The following PPFIBP1 variants were observed in gnomAD, a reference collection of about 807,000 sequenced individuals.
PPFIBP1 encodes the protein liprin-beta-1.
Under a neutral mutation model 137.8 loss-of-function variants are expected in PPFIBP1, and 112 were observed. That is an observed-to-expected ratio of 0.81 (90% CI 0.70 to 0.95). PPFIBP1 has a LOEUF of 0.95. Ranked by LOEUF, PPFIBP1 falls within the 40% of genes least tolerant of loss-of-function variation. The probability of loss-of-function intolerance (pLI) is 0.00; values close to 1 mark genes in which losing one functional copy is unlikely to be tolerated. For synonymous variants in PPFIBP1, 378 were observed against 417.3 expected, an observed-to-expected ratio of 0.91 and a Z score of 1.15; for missense variants, 1,083 against 1,196.6, an observed-to-expected ratio of 0.91 and a Z score of 1.40.
chr12:27,576,750 T>G (rs1298574999), intron 1 of PPFIBP1, among the ~76,000 whole-genome samples: 1 of 152,180 alleles, frequency 6.6e-6, no homozygotes, highest in Non-Finnish European at 1.5e-5. Context: ...GTAACATTGA[T>G]TGTTTCAGCT....
intron 25 of PPFIBP1, chr12:27,688,087 A>T: frequency 4.3e-5 from 7 of 161,670 alleles, no homozygotes; most frequent in Non-Finnish European, 7.2e-5. Context: ...ACCCTGTCTT[A>T]AAAAAAAAAA....
chr12:27,637,760 C>T (rs914837349), intron 4 of PPFIBP1, among the ~76,000 whole-genome samples: 23 of 152,238 alleles, frequency 1.5e-4, no homozygotes, highest in South Asian at 2.1e-4. Flanking sequence ...ACACACCTAC[C>T]ACGATAGACT....
At chr12:27,528,068 G>A (rs553325017) in intron 1 of PPFIBP1, among the ~76,000 whole-genome samples, 1 of 152,020 alleles carries the variant, frequency 6.6e-6, no homozygotes, top group Non-Finnish European at 1.5e-5. Context: ...CATGCCTCAG[G>A]GTCCCAGTTA....
chr12:27,605,695 G>A (rs2054457092), intron 2 of PPFIBP1, among the ~76,000 whole-genome samples: 1 of 152,110 alleles, frequency 6.6e-6, no homozygotes, highest in African/African-American at 2.4e-5. Context: ...GCAGGTCTGT[G>A]GGCCACACAA....
chr12:27,594,738 T>C (rs1254503814), intron 2 of PPFIBP1, among the ~76,000 whole-genome samples: 1 of 152,218 alleles, frequency 6.6e-6, no homozygotes, highest in Non-Finnish European at 1.5e-5. Context: ...AAACATGCCA[T>C]GGTCCTACCT....
In PPFIBP1 at chr12:27,592,141, G is replaced by T. The variant is rs193158722; in HGVS notation, c.-36+13902G>T. On this transcript the variant is annotated intron_variant, in intron 2 of 29. Transcript: ENST00000228425. ...TTCCCAGGAGGTTGTGTCCTCACAG[G>T]GGGTGTCCTCACACGGGAAATAGCC... Among the ~76,000 whole-genome samples, 408 of 151,602 alleles carry T rather than the reference G, an allele frequency of 2.7e-3. 3 individuals are homozygous for T. The highest frequency in any genetic ancestry group is 0.01 in the Middle Eastern group (3 of 294).
chr12:27,584,327 C>T (rs1334112183), intron 2 of PPFIBP1: 7 of 152,236 alleles, frequency 4.6e-5, no homozygotes, highest in Non-Finnish European at 7.3e-5. Flanking sequence ...CAAGTACAAA[C>T]GTGTGAAAAA....
intron 1 of PPFIBP1, among the ~76,000 whole-genome samples, chr12:27,546,766 A>AT (rs767425195): frequency 1.3e-5 from 2 of 152,162 alleles, no homozygotes; most frequent in East Asian, 3.8e-4. Context: ...TAATCCCAGC[A>AT]TTTTGGGGAG....
At chr12:27,549,702 C>A (rs1210214437) in intron 1 of PPFIBP1, among the ~76,000 whole-genome samples, 1 of 151,992 alleles carries the variant, frequency 6.6e-6, no homozygotes, top group Non-Finnish European at 1.5e-5. Flanking sequence ...AAAAACATTG[C>A]CGGTTAGGAC....
intron 1 of PPFIBP1, among the ~76,000 whole-genome samples, chr12:27,569,735 T>G (rs2080426231): frequency 6.6e-6 from 1 of 152,124 alleles, no homozygotes; most frequent in South Asian, 2.1e-4. Context: ...CTTTTTTGTA[T>G]TTTTTAGTGG....
At chr12:27,588,113 A>T (rs2052012947) in intron 2 of PPFIBP1, among the ~76,000 whole-genome samples, 1 of 152,340 alleles carries the variant, frequency 6.6e-6, no homozygotes, top group African/African-American at 2.4e-5. Context: ...TTAGATTCAA[A>T]TTAAACATTG....
chr12:27,557,702 T>G (rs1174418650), intron 1 of PPFIBP1, among the ~76,000 whole-genome samples: 1 of 152,194 alleles, frequency 6.6e-6, no homozygotes, highest in African/African-American at 2.4e-5. Flanking sequence ...TCATGGTATT[T>G]TTACCTTTAA....
chr12:27,678,116 C>T (rs970231993), intron 19 of PPFIBP1: 1 of 152,182 alleles, frequency 6.6e-6, no homozygotes, highest in Non-Finnish European at 1.5e-5. Context: ...CAACTTTCTG[C>T]AACTCATAGA....
At chr12:27,621,264 A>G (rs1157295568) in intron 2 of PPFIBP1, among the ~76,000 whole-genome samples, 1 of 152,244 alleles carries the variant, frequency 6.6e-6, no homozygotes, top group African/African-American at 2.4e-5. Context: ...TTCCAAAGAA[A>G]CTTTATAAAA....
rs950441567 is a variant in PPFIBP1, at chr12:27,669,257, T to A, written c.1146+1937T>A. Among the ~76,000 whole-genome samples, 18 of 152,210 alleles carry A rather than the reference T, an allele frequency of 1.2e-4. 1 individual carries two copies. Among genetic ancestry groups the A allele is most frequent in the Admixed American group, 1.2e-3 (18 of 15,282 alleles). ...AAATGTAGGAGAGGGCTGAAATATT[T>A]CATTAATCAAGGAATTAGTTAAGGA... On this transcript the variant is annotated intron_variant, in intron 13 of 29. Transcript: ENST00000228425.
At chr12:27,562,358 T>A (rs1421899344) in intron 1 of PPFIBP1, among the ~76,000 whole-genome samples, 1 of 152,236 alleles carries the variant, frequency 6.6e-6, no homozygotes, top group East Asian at 1.9e-4. Flanking sequence ...CATGGTATTA[T>A]GTAGCCTGCT....
chr12:27,612,482 G>A (rs2055243570), intron 2 of PPFIBP1, among the ~76,000 whole-genome samples: 1 of 151,900 alleles, frequency 6.6e-6, no homozygotes, highest in African/African-American at 2.4e-5. Flanking sequence ...GAATAGCTGG[G>A]ACTACAGATG....
At chr12:27,555,880 T>C (rs762549191) in intron 1 of PPFIBP1, among the ~76,000 whole-genome samples, 3 of 152,218 alleles carry the variant, frequency 2.0e-5, no homozygotes, top group Non-Finnish European at 4.4e-5. Context: ...CAGAGCCTTA[T>C]GATTGAAAGA....
At chr12:27,594,832 A>C (rs2053002799) in intron 2 of PPFIBP1, among the ~76,000 whole-genome samples, 1 of 152,198 alleles carries the variant, frequency 6.6e-6, no homozygotes, top group African/African-American at 2.4e-5. Context: ...ATATCTGTAC[A>C]TTTATATAAT....
Sources: gnomAD v4.1 joint callset for allele counts (sites outside exome capture counted in the v4.1 genomes callset) on GRCh38, gnomAD v4.1.1 for gene constraint, MANE v1.5 for transcripts, NCBI Gene and HGNC (gene_info 2026-07-23, HGNC 2026-07-21) for gene names.